The following VPS35L variants were observed in gnomAD, a reference collection of about 807,000 sequenced individuals.
VPS35L encodes the protein VPS35 endosomal protein-sorting factor-like.
Under a neutral mutation model 133.0 loss-of-function variants are expected in VPS35L, and 83 were observed. That is an observed-to-expected ratio of 0.62 (90% confidence interval 0.52 to 0.75). The LOEUF (loss-of-function observed/expected upper bound fraction) is 0.75, where lower values mean the gene tolerates loss of function less well. Ranked by LOEUF, VPS35L falls within the 30% of genes least tolerant of loss-of-function variation. VPS35L has a pLI of 0.00. For synonymous variants in VPS35L, 423 were observed against 449.9 expected, an observed-to-expected ratio of 0.94 and a Z score of 0.76; for missense variants, 1,083 against 1,206.8, an observed-to-expected ratio of 0.90 and a Z score of 1.52.
chr16:19,642,621 C>A, intron 22 of VPS35L, 145 bp downstream of exon 22: 2 of 640,806 alleles, frequency 3.1e-6, no homozygotes, highest in Non-Finnish European at 4.9e-6. Flanking sequence ...CGAGGACATT[C>A]CAATCCAGGA....
intron 1 of VPS35L, 110 bp from the exon 2 acceptor site, chr16:19,564,741 G>A (rs1971133768): frequency 2.8e-6 from 2 of 721,144 alleles, no homozygotes; most frequent in Admixed American, 2.9e-5. Flanking sequence ...AACTTTGGTG[G>A]GAATATTGTG....
intron 14 of VPS35L, among the ~76,000 whole-genome samples, chr16:19,619,185 G>A (rs796917702): frequency 2.0e-5 from 3 of 151,968 alleles, no homozygotes; most frequent in Admixed American, 6.5e-5. Flanking sequence ...CTCCCGCCTC[G>A]GCTTCCCAGA....
chr16:19,692,679 T>G (rs1975737159), intron 29 of VPS35L, among the ~76,000 whole-genome samples: 1 of 152,284 alleles, frequency 6.6e-6, no homozygotes, highest in African/African-American at 2.4e-5. Flanking sequence ...TTCTCCTGCC[T>G]CAGCCTCCCA....
At chr16:19,582,847 C>T (rs1820890917) in intron 7 of VPS35L, among the ~76,000 whole-genome samples, 1 of 152,146 alleles carries the variant, frequency 6.6e-6, no homozygotes, top group Non-Finnish European at 1.5e-5. Context: ...TTCAACAATA[C>T]ATTAAGGACT....
At chr16:19,563,931 C>A (rs1301997197) in intron 1 of VPS35L, among the ~76,000 whole-genome samples, 1 of 152,210 alleles carries the variant, frequency 6.6e-6, no homozygotes, top group Admixed American at 6.5e-5. Context: ...CTGTGCTTGG[C>A]GTCAGCCTCT....
At chr16:19,670,634 T>C (rs1177818668) in intron 27 of VPS35L, among the ~76,000 whole-genome samples, 1 of 152,132 alleles carries the variant, frequency 6.6e-6, no homozygotes. Flanking sequence ...AGAGGGGCAT[T>C]GTTGGAAGGA....
chr16:19,591,711 A>G (rs1311663722), intron 7 of VPS35L, 79 bp from the exon 8 acceptor site: 32 of 1,091,110 alleles, frequency 2.9e-5, no homozygotes, highest in Non-Finnish European at 1.4e-6. Context: ...TATAGAAACC[A>G]TTAATTTTTC....
At chr16:19,689,413 A>G (rs7194298) in intron 28 of VPS35L, among the ~76,000 whole-genome samples, 65,138 of 151,602 alleles carry the variant, frequency 0.43, 14,929 homozygotes, top group African/African-American at 0.59. Flanking sequence ...CGGGACTACA[A>G]GCGTGCACCA....
intron 20 of VPS35L, among the ~76,000 whole-genome samples, chr16:19,638,152 G>A (rs892354557): frequency 6.6e-6 from 1 of 152,154 alleles, no homozygotes; most frequent in Non-Finnish European, 1.5e-5. Flanking sequence ...GGGCAAGTAG[G>A]GAATCTAGGT....
chr16:19,620,039 G>A (rs919229606), intron 14 of VPS35L, among the ~76,000 whole-genome samples: 1 of 152,178 alleles, frequency 6.6e-6, no homozygotes, highest in Non-Finnish European at 1.5e-5. Flanking sequence ...ACCTTTAGTT[G>A]TGAATATCTC....
intron 23 of VPS35L, among the ~76,000 whole-genome samples, chr16:19,646,252 C>A (rs1973945248): frequency 1.3e-5 from 2 of 152,170 alleles, no homozygotes; most frequent in African/African-American, 4.8e-5. Flanking sequence ...GGTTTTCTTC[C>A]ATGTCCTCTC....
intron 28 of VPS35L, among the ~76,000 whole-genome samples, chr16:19,689,224 G>C (rs1342098849): frequency 6.6e-6 from 1 of 150,786 alleles, no homozygotes; most frequent in South Asian, 2.1e-4. Context: ...TGATCCACCC[G>C]CCTCAGCCTC....
rs73539567 is a variant in VPS35L at position 19,676,710 on chromosome 16, A to G, written c.2362-5515A>G. Among the ~76,000 whole-genome samples the G allele has an allele frequency of 9.0e-3, 1,367 of 152,340 alleles. 14 individuals are homozygous for G. The highest frequency in any genetic ancestry group is 0.031 in the African/African-American group (1,288 of 41,576). Reference sequence around the variant, plus strand: ...CAGCCATAAACACAGCAAGTTGTCCAGGTCTATGTTTCATCATTCCGTCTA... The same window carrying G: ...CAGCCATAAACACAGCAAGTTGTCCGGGTCTATGTTTCATCATTCCGTCTA... On this transcript the variant is annotated intron_variant, in intron 27 of 30. Transcript: ENST00000417362.
intron 18 of VPS35L, among the ~76,000 whole-genome samples, chr16:19,631,438 G>A (rs896808045): frequency 3.9e-5 from 6 of 152,092 alleles, no homozygotes; most frequent in Non-Finnish European, 5.9e-5. Flanking sequence ...CAAAATTGAT[G>A]TTGCCTCGTT....
At chr16:19,576,667 A>T (rs548364967) in intron 5 of VPS35L, among the ~76,000 whole-genome samples, 6 of 151,882 alleles carry the variant, frequency 4.0e-5, no homozygotes, top group Admixed American at 6.6e-5. Flanking sequence ...CACTCTCCCC[A>T]CGGCTCTGCT....
chr16:19,663,274 G>T (rs1011672751), intron 26 of VPS35L, among the ~76,000 whole-genome samples: 1 of 152,176 alleles, frequency 6.6e-6, no homozygotes, highest in African/African-American at 2.4e-5. Context: ...TCATGCCATT[G>T]CACTGGGCAA....
At chr16:19,660,059 C>T (rs1974429392) in intron 26 of VPS35L, among the ~76,000 whole-genome samples, 1 of 152,136 alleles carries the variant, frequency 6.6e-6, no homozygotes, top group Non-Finnish European at 1.5e-5. Flanking sequence ...GGCACGGTGG[C>T]TCACGCCTGT....
intron 15 of VPS35L, among the ~76,000 whole-genome samples, chr16:19,626,431 T>C (rs200380431): frequency 1.3e-5 from 2 of 152,184 alleles, no homozygotes; most frequent in East Asian, 3.9e-4. Flanking sequence ...TTGACCTCTC[T>C]GTGCCTCTGT....
intron 14 of VPS35L, chr16:19,618,072 G>A (rs1972953331): frequency 9.4e-6 from 1 of 105,930 alleles, no homozygotes; most frequent in Non-Finnish European, 1.7e-5. Context: ...GGGCAACAGA[G>A]CCAGACTGTC....
Sources: allele counts gnomAD v4.1 joint callset (sites outside exome capture counted in the v4.1 genomes callset), GRCh38; gene constraint gnomAD v4.1.1; transcripts MANE v1.5; gene names NCBI Gene and HGNC (gene_info 2026-07-23, HGNC 2026-07-21).